NETO1: variants seen among roughly 807,000 people sequenced by gnomAD.
NETO1 encodes the protein neuropilin and tolloid-like protein 1.
A neutral mutation model predicts 61.3 loss-of-function variants in NETO1; 26 were observed. The observed-to-expected ratio is 0.42, with a 90% CI of 0.31 to 0.59. The LOEUF is 0.59. Among genes scored for constraint, NETO1 ranks in the 20% least tolerant of loss-of-function variants. NETO1 has a pLI of 0.12. For synonymous variants in NETO1, 225 were observed against 225.8 expected, an observed-to-expected ratio of 1.00 and a Z score of 0.03; for missense variants, 531 against 662.8, an observed-to-expected ratio of 0.80 and a Z score of 2.18.
chr18:72,865,059 T>C, intron 2 of NETO1, 114 bp from the exon 3 acceptor site: 1 of 1,415,780 alleles, frequency 7.1e-7, no homozygotes, highest in African/African-American at 1.5e-5. Context: ...AAATGTTGTC[T>C]TAGCCAAACC....
At chr18:72,754,233 A>G (rs1288610062) in intron 8 of NETO1, among the ~76,000 whole-genome samples, 1 of 152,126 alleles carries the variant, frequency 6.6e-6, no homozygotes, top group East Asian at 1.9e-4. Context: ...ACTAGAATAT[A>G]CTAACTTAAG....
chr18:72,772,823 C>A (rs866826091), intron 7 of NETO1, among the ~76,000 whole-genome samples: 25 of 38,820 alleles, frequency 6.4e-4, no homozygotes, highest in South Asian at 1.2e-3. Flanking sequence ...CTCTCTCTCT[C>A]TCTATATATA....
At chr18:72,789,445 T>C (rs552840702) in intron 6 of NETO1, among the ~76,000 whole-genome samples, 2 of 152,194 alleles carry the variant, frequency 1.3e-5, no homozygotes, top group Non-Finnish European at 2.9e-5. Flanking sequence ...GTTTATCAAA[T>C]TTTATTCTTA....
chr18:72,773,710 G>C (rs931868950), intron 7 of NETO1, among the ~76,000 whole-genome samples: 1 of 151,994 alleles, frequency 6.6e-6, no homozygotes, highest in Admixed American at 6.6e-5. Context: ...GGTGCCTTCC[G>C]CCATGATTGT....
Position 72,755,223 on chromosome 18 carries a change from C to T in NETO1, c.982+811G>A, listed in dbSNP as rs186691049. Among the ~76,000 whole-genome samples the T allele has an allele frequency of 8.8e-4, 134 of 152,238 alleles. 2 individuals are homozygous for T. Among genetic ancestry groups the T allele is most frequent in the South Asian group, 6.4e-3 (31 of 4,828 alleles). ...TAATCCATTCAAAAGTAATGGATTA[C>T]GAAAGTAATCAACAACAAAATAGTT... On this transcript the variant is annotated intron_variant, in intron 8 of 10. Transcript: ENST00000327305.
intron 4 of NETO1, among the ~76,000 whole-genome samples, chr18:72,837,374 G>A (rs9954326): frequency 0.96 from 146,210 of 152,266 alleles, 70,288 homozygotes; most frequent in Non-Finnish European, 0.99. Flanking sequence ...ATAAGAAAAA[G>A]TAATCATTGC....
chr18:72,763,100 C>A (rs1337178833), intron 7 of NETO1, among the ~76,000 whole-genome samples: 3 of 151,250 alleles, frequency 2.0e-5, no homozygotes, highest in Non-Finnish European at 4.4e-5. Context: ...TACTTTAATG[C>A]AGAATCCACT....
At chr18:72,866,833 T>C (rs2145709655) in intron 1 of NETO1, 2 of 996,926 alleles carry the variant, frequency 2.0e-6, no homozygotes, top group Non-Finnish European at 2.4e-6. Context: ...CAGGTGTGCC[T>C]TCTGCTACCT....
chr18:72,827,811 T>TA (rs1246076624), intron 4 of NETO1, among the ~76,000 whole-genome samples: 1 of 152,110 alleles, frequency 6.6e-6, no homozygotes, highest in Non-Finnish European at 1.5e-5. Flanking sequence ...TGCTCTGACT[T>TA]ACGACTCCTA....
chr18:72,820,740 C>T (rs1333652174), intron 4 of NETO1, among the ~76,000 whole-genome samples: 1 of 152,190 alleles, frequency 6.6e-6, no homozygotes, highest in Non-Finnish European at 1.5e-5. Flanking sequence ...AAATGACTCA[C>T]AGAGAACTCC....
rs1021716858 is a variant in NETO1 at position 72,785,739 on chromosome 18, T to G, written c.640-1833A>C. ...AACTAGCAAATTTACATCCTTCTTA[T>G]CTCCCAACATTATAACCATTTTCAA... is the stretch of plus-strand genomic sequence containing the variant. On this transcript the variant is annotated intron_variant, in intron 6 of 10. Coordinates refer to ENST00000327305, the MANE Select transcript of NETO1 (RefSeq NM_138966.5). 2.0e-5 allele frequency among the ~76,000 whole-genome samples: 3 copies of G among 152,184 alleles called. No individual in the cohort carries two copies. In the East Asian group the frequency reaches 5.8e-4, roughly 29 times the overall value.
At chr18:72,861,752 CTCT>C (rs1476574674) in intron 3 of NETO1, among the ~76,000 whole-genome samples, 2 of 152,172 alleles carry the variant, frequency 1.3e-5, no homozygotes, top group Non-Finnish European at 2.9e-5. Context: ...ATCCCTCTTT[CTCT>C]TCTATTTTAA....
intron 7 of NETO1, among the ~76,000 whole-genome samples, chr18:72,760,180 A>G (rs1418398539): frequency 1.3e-5 from 2 of 152,214 alleles, no homozygotes; most frequent in East Asian, 1.9e-4. Flanking sequence ...ATTTCTATTA[A>G]TGAAGCAAAA....
chr18:72,796,284 TTTG>T lies in NETO1; in HGVS notation c.470-1883_470-1881del, dbSNP rs914605972. ...TAGTTTAGTTATCTTCATTAAAGGT[TTTG>T]TTGTTGTTGTTGTTTGCTTCTTGCT... On this transcript the variant is annotated intron_variant, in intron 4 of 10. Coordinates refer to ENST00000327305, the MANE Select transcript of NETO1 (RefSeq NM_138966.5). 4.0e-5 allele frequency among the ~76,000 whole-genome samples: 6 copies of T among 151,264 alleles called. No individual in the cohort carries two copies. The South Asian group carries it at 6.2e-4, about 16-fold the overall frequency.
At chr18:72,853,144 T>C (rs2074306170) in intron 4 of NETO1, among the ~76,000 whole-genome samples, 1 of 152,168 alleles carries the variant, frequency 6.6e-6, no homozygotes, top group Non-Finnish European at 1.5e-5. Context: ...CACACATTGG[T>C]AATTTTCTCA....
intron 4 of NETO1, among the ~76,000 whole-genome samples, chr18:72,852,994 G>A (rs1319890891): frequency 4.0e-5 from 6 of 151,638 alleles, no homozygotes; most frequent in Middle Eastern, 3.4e-3. Flanking sequence ...CACCACGCCC[G>A]ACTAATTTTT....
intron 6 of NETO1, among the ~76,000 whole-genome samples, chr18:72,784,991 A>G (rs1034315910): frequency 2.0e-5 from 3 of 152,238 alleles, no homozygotes; most frequent in African/African-American, 7.2e-5. Flanking sequence ...TAAAGCCAAA[A>G]GACCCATGCA....
chr18:72,756,111 T>A lies in NETO1; in HGVS notation c.905A>T (p.Asn302Ile), dbSNP rs1439149554. 2.5e-6 allele frequency: 4 copies of A among 1,607,696 alleles called. No homozygotes were observed. Among genetic ancestry groups the A allele is most frequent in the Non-Finnish European group, 3.4e-6 (4 of 1,174,918 alleles). Residue 302 changes from asparagine (N) to isoleucine (I), a missense_variant, in exon 8 of 11, where the codon AAC (asparagine) becomes ATC (isoleucine). By Grantham distance (149) the Asn-to-Ile change is moderately radical. Coordinates refer to ENST00000327305, the MANE Select transcript of NETO1 (RefSeq NM_138966.5). ...GACCAAAGTATTATTAATACACATG[T>A]TACTATGGCAGAAGAATGTGTTGCC... ...CEGNTFFCHS[N>I]MCINNTLVCN...
chr18:72,748,833 T>C (rs567364182), intron 10 of NETO1, among the ~76,000 whole-genome samples, 181 bp downstream of exon 10: 11 of 152,250 alleles, frequency 7.2e-5, no homozygotes, highest in African/African-American at 2.4e-4. Context: ...TAAAGGTATG[T>C]ATCCCGAGAA....
Sources: gnomAD v4.1 joint callset for allele counts (sites outside exome capture counted in the v4.1 genomes callset) on GRCh38, gnomAD v4.1.1 for gene constraint, MANE v1.5 for transcripts, NCBI Gene and HGNC (gene_info 2026-07-23, HGNC 2026-07-21) for gene names.